Variants in ATXN1 observed in about 807,000 individuals in gnomAD.
ATXN1 encodes the protein ataxin-1.
In ATXN1, 8 loss-of-function variants were observed where a neutral mutation model predicts 56.4. The observed-to-expected ratio is 0.14, with a 90% confidence interval of 0.08 to 0.26. The LOEUF is 0.26. ATXN1 is among the 10% of genes least tolerant of loss of function. The probability of loss-of-function intolerance (pLI) is 1.00; values close to 1 mark genes in which losing one functional copy is unlikely to be tolerated. For missense variants in ATXN1, 987 were observed against 1,106.5 expected (o/e 0.89, Z 1.53); for synonymous variants, 514 against 494.6 (o/e 1.04, Z -0.52).
chr6:16,412,433 T>C (rs1398710341), intron 6 of ATXN1, among the ~76,000 whole-genome samples: 1 of 152,140 alleles, frequency 6.6e-6, no homozygotes, highest in African/African-American at 2.4e-5. Flanking sequence ...ACTGCTCAGA[T>C]TCATACTATA....
At chr6:16,634,047 C>CA (rs1360027819) in intron 3 of ATXN1, among the ~76,000 whole-genome samples, 2 of 152,232 alleles carry the variant, frequency 1.3e-5, no homozygotes, top group Admixed American at 6.5e-5. Context: ...TCCAGTTGAA[C>CA]AAACCTATTA....
At chr6:16,445,130 A>G (rs559301408) in intron 6 of ATXN1, among the ~76,000 whole-genome samples, 45 of 152,356 alleles carry the variant, frequency 3.0e-4, no homozygotes, top group Admixed American at 7.2e-4. Flanking sequence ...CAAATAAACT[A>G]TTAAAAAATC....
intron 6 of ATXN1, among the ~76,000 whole-genome samples, chr6:16,347,747 G>A (rs928243223): frequency 1.3e-5 from 2 of 152,220 alleles, no homozygotes; most frequent in African/African-American, 4.8e-5. Flanking sequence ...TGTCAAAACA[G>A]ACCACTGGGC....
intron 6 of ATXN1, among the ~76,000 whole-genome samples, chr6:16,338,796 C>T (rs1761181399): frequency 6.6e-6 from 1 of 152,096 alleles, no homozygotes; most frequent in Non-Finnish European, 1.5e-5. Context: ...CTGTTTTTTC[C>T]TCACATCTGT....
At chr6:16,380,091 C>T (rs78573290) in intron 6 of ATXN1, among the ~76,000 whole-genome samples, 3,106 of 152,304 alleles carry the variant, frequency 0.02, 103 homozygotes, top group African/African-American at 0.07. Context: ...TGATTTTGGT[C>T]AGGATGCAAT....
At chr6:16,319,186 C>T (rs987968587) in intron 7 of ATXN1, among the ~76,000 whole-genome samples, 2 of 151,608 alleles carry the variant, frequency 1.3e-5, no homozygotes, top group Non-Finnish European at 2.9e-5. Context: ...TCACTGCACT[C>T]CAGCCTGGGC....
rs202144484 is a variant in ATXN1, at chr6:16,545,618, G to T, written c.-360-22930C>A. Among the ~76,000 whole-genome samples the T allele has an allele frequency of 6.6e-5, 10 of 152,222 alleles. No homozygotes were observed. The East Asian group carries it at 1.5e-3, about 23-fold the overall frequency. On this transcript the variant is annotated intron_variant, in intron 4 of 7. Coordinates refer to ENST00000436367, the MANE Select transcript of ATXN1 (RefSeq NM_001128164.2). ...AAACTATTCAAGTAAACAACCTTGT[G>T]GGGTGGTTGACATGGACCGAGAGCT... is the stretch of plus-strand genomic sequence containing the variant.
intron 6 of ATXN1, among the ~76,000 whole-genome samples, chr6:16,347,865 T>A (rs1761456014): frequency 6.6e-6 from 1 of 151,880 alleles, no homozygotes; most frequent in Admixed American, 6.5e-5. Context: ...CTTTCCACAC[T>A]GTGGAAGCTT....
chr6:16,346,872 A>C (rs985517225), intron 6 of ATXN1, among the ~76,000 whole-genome samples: 4 of 152,074 alleles, frequency 2.6e-5, no homozygotes, highest in African/African-American at 9.7e-5. Flanking sequence ...GCTTGCGCGG[A>C]GGTGTGGAAG....
At chr6:16,497,425 T>C (rs1456028596) in intron 5 of ATXN1, among the ~76,000 whole-genome samples, 2 of 152,212 alleles carry the variant, frequency 1.3e-5, no homozygotes, top group African/African-American at 4.8e-5. Context: ...TAGACCGTTC[T>C]GTGGGCTTGG....
chr6:16,604,830 C>T (rs983377955), intron 3 of ATXN1, among the ~76,000 whole-genome samples: 2 of 152,048 alleles, frequency 1.3e-5, no homozygotes, highest in African/African-American at 2.4e-5. Context: ...AAGCAATCCT[C>T]CCACTTTGGC....
intron 3 of ATXN1, among the ~76,000 whole-genome samples, chr6:16,622,575 T>C (rs1763337712): frequency 6.6e-6 from 1 of 152,214 alleles, no homozygotes; most frequent in South Asian, 2.1e-4. Context: ...TCCTTCAATC[T>C]AACATCATTC....
intron 6 of ATXN1, among the ~76,000 whole-genome samples, chr6:16,408,029 A>G (rs984501044): frequency 6.6e-6 from 1 of 152,144 alleles, no homozygotes; most frequent in African/African-American, 2.4e-5. Context: ...GATTGGGGGC[A>G]TGGGGGTGTC....
chr6:16,414,830 G>C (rs528506004), intron 6 of ATXN1, among the ~76,000 whole-genome samples: 1 of 152,238 alleles, frequency 6.6e-6, no homozygotes, highest in South Asian at 2.1e-4. Flanking sequence ...TGGTGGACTG[G>C]AATGTTTCCA....
intron 5 of ATXN1, among the ~76,000 whole-genome samples, chr6:16,510,821 G>A (rs1190922470): frequency 6.6e-6 from 1 of 152,182 alleles, no homozygotes; most frequent in Non-Finnish European, 1.5e-5. Flanking sequence ...TTCTGAGGGA[G>A]GAAGACAAAT....
intron 7 of ATXN1, among the ~76,000 whole-genome samples, chr6:16,314,130 A>T (rs375983543): frequency 1.3e-5 from 2 of 152,348 alleles, no homozygotes; most frequent in South Asian, 4.1e-4. Context: ...CTCCTCACTA[A>T]TTAGTGTGAA....
intron 7 of ATXN1, among the ~76,000 whole-genome samples, chr6:16,307,658 AGAGT>A (rs989031750): frequency 6.6e-6 from 1 of 150,756 alleles, no homozygotes; most frequent in Non-Finnish European, 1.5e-5. Context: ...CCTGGGCCAC[AGAGT>A]GAGACTCCGT....
intron 6 of ATXN1, among the ~76,000 whole-genome samples, chr6:16,390,697 C>CAT (rs1758335719): frequency 1.3e-5 from 2 of 151,884 alleles, no homozygotes; most frequent in South Asian, 4.1e-4. Context: ...CACACACACA[C>CAT]ACACACACAC....
chr6:16,353,835 C>A (rs1386322682), intron 6 of ATXN1, among the ~76,000 whole-genome samples: 1 of 152,146 alleles, frequency 6.6e-6, no homozygotes, highest in Admixed American at 6.5e-5. Flanking sequence ...AGTGAGGGTC[C>A]CCTGAGTCGA....
Sources: allele counts gnomAD v4.1 joint callset (sites outside exome capture counted in the v4.1 genomes callset), GRCh38; gene constraint gnomAD v4.1.1; transcripts MANE v1.5; gene names NCBI Gene and HGNC (gene_info 2026-07-23, HGNC 2026-07-21).